The following VSTM2L variants were observed in gnomAD, a reference collection of about 807,000 sequenced individuals.
VSTM2L encodes V-set and transmembrane domain containing 2 like.
In VSTM2L, 9 loss-of-function variants were observed where a neutral mutation model predicts 19.9. The ratio of observed to expected loss-of-function variants is 0.45; its 90% CI spans 0.27 to 0.79. The LOEUF (loss-of-function observed/expected upper bound fraction) is 0.79. Among genes scored for constraint, VSTM2L ranks in the 30% least tolerant of loss-of-function variants. The pLI is 0.15. For missense variants in VSTM2L, 286 were observed against 295.5 expected (o/e 0.97, Z 0.24); for synonymous variants, 127 against 133.8 (o/e 0.95, Z 0.35).
At chr20:37,925,306 A>C (rs545228952) in intron 1 of VSTM2L, among the ~76,000 whole-genome samples, 2 of 152,022 alleles carry the variant, frequency 1.3e-5, no homozygotes, top group African/African-American at 4.8e-5. Flanking sequence ...TAGGACATCT[A>C]TCACTTTCTC....
At chr20:37,912,121 A>G (rs6021826) in intron 1 of VSTM2L, among the ~76,000 whole-genome samples, 35,995 of 152,114 alleles carry the variant, frequency 0.24, 5,263 homozygotes, top group African/African-American at 0.41. Flanking sequence ...GGAGGACACT[A>G]AGGGGCGTGG....
intron 1 of VSTM2L, among the ~76,000 whole-genome samples, chr20:37,923,408 C>A (rs995740670): frequency 9.8e-5 from 15 of 152,350 alleles, no homozygotes; most frequent in South Asian, 6.2e-4. Flanking sequence ...TTAATTAATA[C>A]ATCGCACCCC....
intron 1 of VSTM2L, among the ~76,000 whole-genome samples, chr20:37,927,976 T>C (rs2072887912): frequency 1.3e-5 from 2 of 152,158 alleles, no homozygotes; most frequent in African/African-American, 4.8e-5. Flanking sequence ...TGTTCTGCAT[T>C]GAGCAAGTTC....
intron 1 of VSTM2L, among the ~76,000 whole-genome samples, chr20:37,918,504 T>G (rs962090312): frequency 2.6e-5 from 4 of 152,248 alleles, no homozygotes; most frequent in Admixed American, 2.0e-4. Context: ...GCTGTTTGGT[T>G]TTCATAGCGT....
chr20:37,913,792 A>T (rs2072793835), intron 1 of VSTM2L, among the ~76,000 whole-genome samples: 1 of 152,198 alleles, frequency 6.6e-6, no homozygotes, highest in Non-Finnish European at 1.5e-5. Context: ...GCATGTATTT[A>T]GAAAAGCAGG....
intron 1 of VSTM2L, among the ~76,000 whole-genome samples, chr20:37,927,643 G>T (rs1350155827): frequency 6.6e-6 from 1 of 152,200 alleles, no homozygotes; most frequent in African/African-American, 2.4e-5. Context: ...TCTGAGCCTT[G>T]CCTTCTGCAT....
chr20:37,915,182 C>CAG (rs1402836148), intron 1 of VSTM2L, among the ~76,000 whole-genome samples: 2 of 152,152 alleles, frequency 1.3e-5, no homozygotes, highest in South Asian at 2.1e-4. Context: ...GGCGGTCGGA[C>CAG]AGCGGCTGAG....
chr20:37,907,281 A>AT (rs1348654763), intron 1 of VSTM2L, among the ~76,000 whole-genome samples: 1 of 151,900 alleles, frequency 6.6e-6, no homozygotes, highest in Admixed American at 6.6e-5. Context: ...TAATTTTTAA[A>AT]TTTTTTGTAG....
At chr20:37,925,805 C>T (rs1451970573) in intron 1 of VSTM2L, among the ~76,000 whole-genome samples, 1 of 152,180 alleles carries the variant, frequency 6.6e-6, no homozygotes, top group Non-Finnish European at 1.5e-5. Context: ...AGCTAACTCG[C>T]TTGGCTCCCA....
chr20:37,909,667 C>T (rs1294921260), intron 1 of VSTM2L, among the ~76,000 whole-genome samples: 1 of 152,180 alleles, frequency 6.6e-6, no homozygotes. Context: ...CTGGAGTGGG[C>T]AAGGCTGATG....
chr20:37,933,794 G>A (rs1222992568), intron 3 of VSTM2L, among the ~76,000 whole-genome samples: 2 of 152,224 alleles, frequency 1.3e-5, no homozygotes. Flanking sequence ...AAAAATGACA[G>A]GGGAGAGAAG....
At chr20:37,923,381 G>C (rs541932419) in intron 1 of VSTM2L, among the ~76,000 whole-genome samples, 5 of 152,322 alleles carry the variant, frequency 3.3e-5, no homozygotes, top group African/African-American at 1.2e-4. Flanking sequence ...CTGATGCACC[G>C]ATAATCAGGC....
intron 3 of VSTM2L, among the ~76,000 whole-genome samples, chr20:37,935,660 G>GT (rs2072935377): frequency 6.6e-6 from 1 of 152,088 alleles, no homozygotes; most frequent in African/African-American, 2.4e-5. Flanking sequence ...CCTGCTGGCT[G>GT]TATTTCTGGT....
chr20:37,903,142 C>T lies in VSTM2L; in HGVS notation c.-209C>T. The stretch of plus-strand genomic sequence containing the variant: ...GAAGAGTCCCGCAGTCGGAGGCGGC[C>T]GGCTGGGCGTGCGCTCGCTCCCCGA... On this transcript the variant is annotated 5_prime_UTR_variant, in exon 1 of 4. Transcript: ENST00000373461. 1.8e-6 allele frequency: 1 copy of T among 549,786 alleles called. No homozygotes were observed. The allele number at this position is 549,786 out of a possible 1,614,324, so 34.1% of individuals were successfully genotyped here.
chr20:37,917,570 A>G (rs931922681), intron 1 of VSTM2L, among the ~76,000 whole-genome samples: 1 of 152,234 alleles, frequency 6.6e-6, no homozygotes, highest in Non-Finnish European at 1.5e-5. Context: ...TCAATGACAC[A>G]GTGGGAAACC....
rs2072730631 is a variant in VSTM2L at position 37,903,182 on chromosome 20, C to T, written c.-169C>T. On this transcript the variant is annotated 5_prime_UTR_variant, in exon 1 of 4. Transcript: ENST00000373461. ...TCGCTCCCCGAAGCCGGGGCTGGGCCGGAGCCGGGCGAGGGCTGGGAGCTG... is the reference window on the plus strand; with the variant it reads ...TCGCTCCCCGAAGCCGGGGCTGGGCTGGAGCCGGGCGAGGGCTGGGAGCTG... The T allele has an allele frequency of 1.1e-6, 1 of 915,398 alleles. No homozygotes were observed. The highest frequency in any genetic ancestry group is 1.4e-6 in the Non-Finnish European group (1 of 711,646). 56.7% of individuals were successfully genotyped at this position (915,398 alleles called of 1,614,324 possible). A position where few individuals can be genotyped will look rare whatever the true frequency, so the allele number is the denominator to read the frequency against.
At chr20:37,914,625 G>C (rs1440778691) in intron 1 of VSTM2L, among the ~76,000 whole-genome samples, 1 of 151,722 alleles carries the variant, frequency 6.6e-6, no homozygotes, top group Non-Finnish European at 1.5e-5. Context: ...CCGTCTCCCG[G>C]CTCCTGGCTC....
chr20:37,916,135 A>G (rs1212284862), intron 1 of VSTM2L, among the ~76,000 whole-genome samples: 1 of 152,164 alleles, frequency 6.6e-6, no homozygotes, highest in Non-Finnish European at 1.5e-5. Flanking sequence ...GGGATCTGAC[A>G]CTAAGGCTCA....
intron 1 of VSTM2L, among the ~76,000 whole-genome samples, chr20:37,922,151 C>T (rs2072855471): frequency 6.6e-6 from 1 of 152,046 alleles, no homozygotes; most frequent in Non-Finnish European, 1.5e-5. Flanking sequence ...AGAAATTGTT[C>T]ATCATCTGAA....
Sources: gnomAD v4.1 joint callset for allele counts (sites outside exome capture counted in the v4.1 genomes callset) on GRCh38, gnomAD v4.1.1 for gene constraint, MANE v1.5 for transcripts, NCBI Gene and HGNC (gene_info 2026-07-23, HGNC 2026-07-21) for gene names.